The following DISC1 variants were observed in gnomAD, a reference collection of about 807,000 sequenced individuals.
DISC1 encodes the protein disrupted in schizophrenia 1 protein.
Under a neutral mutation model 84.5 loss-of-function variants are expected in DISC1, and 57 were observed. The ratio of observed to expected loss-of-function variants is 0.67; its 90% confidence interval spans 0.55 to 0.84. DISC1 has a LOEUF of 0.84. DISC1 is among the 40% of genes least tolerant of loss of function. DISC1 has a pLI of 0.00. For missense variants in DISC1, 1,000 were observed against 1,057.8 expected, an observed-to-expected ratio of 0.95 and a Z score of 0.76; for synonymous variants, 411 against 415.2, an observed-to-expected ratio of 0.99 and a Z score of 0.12.
intron 9 of DISC1, among the ~76,000 whole-genome samples, chr1:231,942,278 G>A (rs2091390258): frequency 6.6e-6 from 1 of 152,184 alleles, no homozygotes; most frequent in Non-Finnish European, 1.5e-5. Flanking sequence ...GAACCTGCTG[G>A]GTGGCCCTGT....
intron 10 of DISC1, among the ~76,000 whole-genome samples, chr1:231,973,536 G>A (rs983962124): frequency 6.6e-6 from 1 of 152,188 alleles, no homozygotes; most frequent in Non-Finnish European, 1.5e-5. Context: ...TGTTGATCTG[G>A]TTTCAAAACA....
At chr1:231,887,986 T>C (rs1240212349) in intron 9 of DISC1, among the ~76,000 whole-genome samples, 2 of 152,256 alleles carry the variant, frequency 1.3e-5, no homozygotes, top group Non-Finnish European at 2.9e-5. Flanking sequence ...AATCTCATCA[T>C]GTCAGCGAGC....
intron 6 of DISC1, among the ~76,000 whole-genome samples, chr1:231,776,967 G>T (rs1044590481): frequency 6.6e-6 from 1 of 152,100 alleles, no homozygotes. Flanking sequence ...CTGGAGTCAC[G>T]CACAGACTGC....
chr1:231,920,467 C>T (rs2089926557), intron 9 of DISC1, among the ~76,000 whole-genome samples: 1 of 152,200 alleles, frequency 6.6e-6, no homozygotes, highest in Non-Finnish European at 1.5e-5. Context: ...TCCTTTCTGG[C>T]TCTATGCATT....
rs777968689 is a variant in DISC1 at position 231,750,065 on chromosome 1, GGCCACTCA to G, written c.1260_1267del (p.Thr421GlyfsTer5). 4 of 1,613,874 alleles carry G rather than the reference GGCCACTCA, an allele frequency of 2.5e-6. No individual in the cohort carries two copies. The highest frequency in any genetic ancestry group is 3.4e-6 in the Non-Finnish European group (4 of 1,179,938). ...AAGTCCAGGCTGCCTTGCGCCGTGGGGCCACTCAGCAGTGAGTACTTGTTATTGTCACC... is the reference window on the plus strand; with the variant it reads ...AAGTCCAGGCTGCCTTGCGCCGTGGGGCAGTGAGTACTTGTTATTGTCACC... On this transcript the variant is annotated frameshift_variant, in exon 4 of 13. Coordinates refer to ENST00000439617, the MANE Select transcript of DISC1 (RefSeq NM_018662.3). LOFTEE classifies it high-confidence loss of function.
At chr1:231,751,127 C>T (rs371409090) in intron 4 of DISC1, among the ~76,000 whole-genome samples, 4 of 152,310 alleles carry the variant, frequency 2.6e-5, no homozygotes, top group African/African-American at 7.2e-5. Flanking sequence ...AATTTCACCT[C>T]GCCATTTTCA....
At chr1:231,776,213 A>G (rs776156508) in intron 6 of DISC1, among the ~76,000 whole-genome samples, 1 of 152,182 alleles carries the variant, frequency 6.6e-6, no homozygotes, top group Non-Finnish European at 1.5e-5. Context: ...TAATTATAGT[A>G]ATAATCACAG....
intron 9 of DISC1, among the ~76,000 whole-genome samples, chr1:231,873,327 A>G (rs202037825): frequency 7.9e-4 from 120 of 152,356 alleles, no homozygotes; most frequent in South Asian, 5.2e-3. Context: ...AGAAGAGGTC[A>G]TCGATTTATA....
At chr1:231,744,649 AG>A (rs2073760218) in intron 3 of DISC1, among the ~76,000 whole-genome samples, 1 of 152,206 alleles carries the variant, frequency 6.6e-6, no homozygotes, top group African/African-American at 2.4e-5. Context: ...GGCCAGTGAG[AG>A]AATCCCAACA....
At chr1:232,021,129 G>A (rs1668915224) in intron 11 of DISC1, among the ~76,000 whole-genome samples, 1 of 152,178 alleles carries the variant, frequency 6.6e-6, no homozygotes, top group Non-Finnish European at 1.5e-5. Flanking sequence ...GAGGGTCCGG[G>A]AGACAGGAAT....
intron 9 of DISC1, among the ~76,000 whole-genome samples, chr1:231,865,577 T>G (rs1275195046): frequency 1.3e-5 from 2 of 152,210 alleles, no homozygotes; most frequent in Non-Finnish European, 2.9e-5. Context: ...CTTGGCAATA[T>G]TGGCCACACC....
chr1:231,770,696 A>G, intron 5 of DISC1, 139 bp from the exon 6 acceptor site: 1 of 1,447,340 alleles, frequency 6.9e-7, no homozygotes, highest in African/African-American at 1.4e-5. Flanking sequence ...CAAACCTCCA[A>G]AAATCTGCCT....
intron 4 of DISC1, 141 bp downstream of exon 4, chr1:231,750,217 G>A (rs1573506644): frequency 6.9e-7 from 1 of 1,448,788 alleles, no homozygotes; most frequent in Non-Finnish European, 9.1e-7. Context: ...TGGTTGGGAA[G>A]GTGGGGATTC....
At position 231,739,182 on chromosome 1, in the gene DISC1, T is replaced by C. The variant is rs540081383; in HGVS notation, c.1118-10744T>C. Among the ~76,000 whole-genome samples, 3 of 152,354 alleles carry C rather than the reference T, an allele frequency of 2.0e-5. No homozygotes were observed. The East Asian group carries it at 5.8e-4, about 29-fold the overall frequency. ...GCTATTTCCATATTCACCTGTGAGT[T>C]TGCATATTAAAAACTAGTAGTTTAT... On this transcript the variant is annotated intron_variant, in intron 3 of 12. Coordinates refer to ENST00000439617, the MANE Select transcript of DISC1 (RefSeq NM_018662.3).
At chr1:231,937,274 A>G (rs1211238100) in intron 9 of DISC1, among the ~76,000 whole-genome samples, 4 of 152,212 alleles carry the variant, frequency 2.6e-5, no homozygotes, top group African/African-American at 4.8e-5. Flanking sequence ...AGCTCCTCCT[A>G]AATATCTAGG....
chr1:231,793,393 C>G (rs1441637765), intron 6 of DISC1, among the ~76,000 whole-genome samples: 1 of 152,202 alleles, frequency 6.6e-6, no homozygotes, highest in African/African-American at 2.4e-5. Context: ...TCTTCATGCT[C>G]TAAGTTCCTA....
chr1:231,693,969 G>C lies in DISC1; in HGVS notation c.211G>C (p.Val71Leu), dbSNP rs149444280. The change falls in exon 2 of 13, where the codon GTG becomes CTG. Residue 71 changes from valine (V) to leucine (L), a missense_variant. Coordinates refer to ENST00000439617, the MANE Select transcript of DISC1 (RefSeq NM_018662.3). ...CACACTGTTCCGGTTCCCAGGAGGG[G>C]TGTCTGGCGAGGAGTCCCACCACTC... ...VGTLFRFPGG[V>L]SGEESHHSES... 6.2e-7 allele frequency: 1 copy of C among 1,614,094 alleles called. No homozygotes were observed. Among genetic ancestry groups the C allele is most frequent in the Non-Finnish European group, 8.5e-7 (1 of 1,179,970 alleles).
intron 1 of DISC1, among the ~76,000 whole-genome samples, chr1:231,646,800 C>T (rs2060175485): frequency 6.6e-6 from 1 of 152,208 alleles, no homozygotes; most frequent in African/African-American, 2.4e-5. Context: ...TTGCATTTCT[C>T]TGATGACCAG....
At chr1:231,653,005 C>A (rs1336667269) in intron 1 of DISC1, among the ~76,000 whole-genome samples, 1 of 152,116 alleles carries the variant, frequency 6.6e-6, no homozygotes, top group Non-Finnish European at 1.5e-5. Flanking sequence ...GTCTTGAACT[C>A]CTGACATCCG....
Sources: allele counts gnomAD v4.1 joint callset (sites outside exome capture counted in the v4.1 genomes callset), GRCh38; gene constraint gnomAD v4.1.1; transcripts MANE v1.5; gene names NCBI Gene and HGNC (gene_info 2026-07-23, HGNC 2026-07-21).